The following NTRK3 variants were observed in gnomAD, a reference collection of about 807,000 sequenced individuals.
NTRK3 encodes NT-3 growth factor receptor.
In NTRK3, 24 loss-of-function variants were observed where a neutral mutation model predicts 91.7. The ratio of observed to expected loss-of-function variants is 0.26; its 90% CI spans 0.19 to 0.37. NTRK3 has a LOEUF of 0.37. Ranked by LOEUF, NTRK3 falls within the 10% of genes least tolerant of loss-of-function variation. The pLI, the probability that NTRK3 is intolerant of heterozygous loss-of-function variation, is 1.00. For missense variants in NTRK3, 880 were observed against 1,068.9 expected (o/e 0.82, Z 2.46); for synonymous variants, 483 against 404.0 (o/e 1.20, Z -2.34).
chr15:88,198,681 C>T (rs2048038408), intron 3 of NTRK3, among the ~76,000 whole-genome samples: 1 of 151,958 alleles, frequency 6.6e-6, no homozygotes, highest in Admixed American at 6.6e-5. Context: ...TCCTCGTGCC[C>T]CATGCTCAGT....
intron 13 of NTRK3, among the ~76,000 whole-genome samples, chr15:88,096,621 C>T (rs1262684691): frequency 6.6e-6 from 1 of 152,180 alleles, no homozygotes; most frequent in Non-Finnish European, 1.5e-5. Context: ...GCAGGTACAA[C>T]CCAGAAGTGT....
intron 13 of NTRK3, among the ~76,000 whole-genome samples, chr15:88,060,959 C>G (rs1232346236): frequency 6.6e-6 from 1 of 151,852 alleles, no homozygotes; most frequent in Non-Finnish European, 1.5e-5. Context: ...TCTCCTCTTT[C>G]CTCTTTCCCT....
At chr15:87,998,901 G>C (rs2075900761) in intron 14 of NTRK3, among the ~76,000 whole-genome samples, 1 of 152,208 alleles carries the variant, frequency 6.6e-6, no homozygotes, top group Non-Finnish European at 1.5e-5. Context: ...GGTAGGGAGT[G>C]TGGGGGGAGG....
At chr15:88,147,508 T>TCTC in intron 5 of NTRK3, 105 bp from the exon 6 acceptor site, 1 of 30,176 alleles carries the variant, frequency 3.3e-5, no homozygotes, top group South Asian at 5.3e-4. Flanking sequence ...TTGTTTTCCT[T>TCTC]CTTCTTCTTC....
intron 12 of NTRK3, among the ~76,000 whole-genome samples, chr15:88,126,795 T>C (rs1049816581): frequency 6.6e-6 from 1 of 152,160 alleles, no homozygotes; most frequent in Non-Finnish European, 1.5e-5. Context: ...CCCAGAGTAA[T>C]CTTAGGCTCT....
exon 19 of NTRK3, chr15:87,862,124 T>G (rs2141372652): frequency 1.8e-5 from 4 of 218,332 alleles, no homozygotes; most frequent in Non-Finnish European, 3.7e-5. Context: ...GCTGCTCACC[T>G]CCAGTCTTCA....
At chr15:88,191,870 C>T (rs2047427636) in intron 3 of NTRK3, among the ~76,000 whole-genome samples, 1 of 152,256 alleles carries the variant, frequency 6.6e-6, no homozygotes, top group Admixed American at 6.5e-5. Flanking sequence ...CCTCCCTTGA[C>T]AGCTGTTGTG....
intron 14 of NTRK3, among the ~76,000 whole-genome samples, chr15:88,012,140 A>C (rs886681781): frequency 6.6e-6 from 1 of 152,192 alleles, no homozygotes; most frequent in Admixed American, 6.5e-5. Context: ...TGTTCTTCAC[A>C]GAATCCCACC....
chr15:88,197,033 G>T (rs181229789), intron 3 of NTRK3, among the ~76,000 whole-genome samples: 4 of 143,420 alleles, frequency 2.8e-5, no homozygotes, highest in Non-Finnish European at 6.0e-5. Context: ...TACAATACTA[G>T]TGGGTTGGCA....
chr15:88,256,447 CG>C, exon 2 of NTRK3: 1 of 535,462 alleles, frequency 1.9e-6, no homozygotes. Context: ...TCGCCGGGTC[CG>C]GGGGCTCTGG....
chr15:88,005,978 C>T (rs1044465700), intron 14 of NTRK3, among the ~76,000 whole-genome samples: 1 of 152,202 alleles, frequency 6.6e-6, no homozygotes, highest in Admixed American at 6.5e-5. Context: ...CTGGGGCTCA[C>T]TAGGAGGCAG....
intron 17 of NTRK3, among the ~76,000 whole-genome samples, chr15:87,884,813 G>A (rs755889818): frequency 2.0e-5 from 3 of 151,682 alleles, no homozygotes; most frequent in Non-Finnish European, 4.4e-5. Flanking sequence ...ATTCATAGAA[G>A]GTAACTTCCT....
At chr15:88,252,141 A>G (rs1203077335) in intron 3 of NTRK3, among the ~76,000 whole-genome samples, 1 of 152,078 alleles carries the variant, frequency 6.6e-6, no homozygotes, top group Non-Finnish European at 1.5e-5. Flanking sequence ...TCATGTCAAC[A>G]GCCCCTCACA....
At chr15:88,148,459 G>A (rs576955886) in intron 5 of NTRK3, among the ~76,000 whole-genome samples, 55 of 152,282 alleles carry the variant, frequency 3.6e-4, no homozygotes, top group Non-Finnish European at 5.4e-4. Context: ...AGAGAGAGGT[G>A]CCTTCTGAGA....
At chr15:88,023,931 C>T (rs1239414790) in intron 14 of NTRK3, among the ~76,000 whole-genome samples, 1 of 152,174 alleles carries the variant, frequency 6.6e-6, no homozygotes, top group African/African-American at 2.4e-5. Flanking sequence ...GCCCATTTTC[C>T]GTATTTCATC....
At chr15:88,034,417 G>T (rs2078887336) in intron 13 of NTRK3, among the ~76,000 whole-genome samples, 1 of 152,230 alleles carries the variant, frequency 6.6e-6, no homozygotes, top group Non-Finnish European at 1.5e-5. Context: ...TAACGCTGCA[G>T]TCTTGGTAGA....
In NTRK3 at chr15:87,979,776, G is replaced by A. The variant is rs186501320; in HGVS notation, c.1586-39023C>T. ...CATCTAAGTGGGTCTCAGTCTATAA[G>A]CATCTTTCTGAAAGGAGGAGACCCT... is the stretch of plus-strand genomic sequence containing the variant. On this transcript the variant is annotated intron_variant, in intron 14 of 18. Transcript: ENST00000394480. Among the ~76,000 whole-genome samples the A allele has an allele frequency of 2.6e-3, 402 of 152,268 alleles. 1 individual carries two copies. Among genetic ancestry groups the A allele is most frequent in the African/African-American group, 9.2e-3 (384 of 41,560 alleles).
chr15:88,124,818 C>A (rs539494726), intron 13 of NTRK3, among the ~76,000 whole-genome samples: 39 of 152,320 alleles, frequency 2.6e-4, no homozygotes, highest in South Asian at 1.7e-3. Context: ...AAACTTCCAT[C>A]CACCTTTATA....
chr15:87,947,945 G>T (rs530704817), intron 14 of NTRK3, among the ~76,000 whole-genome samples: 6 of 152,172 alleles, frequency 3.9e-5, no homozygotes, highest in South Asian at 4.2e-4. Flanking sequence ...CCTTTGAGGG[G>T]GAAGGAGACC....
Sources: gnomAD v4.1 joint callset for allele counts (sites outside exome capture counted in the v4.1 genomes callset) on GRCh38, gnomAD v4.1.1 for gene constraint, MANE v1.5 for transcripts, NCBI Gene and HGNC (gene_info 2026-07-23, HGNC 2026-07-21) for gene names.